The following TSNARE1 variants were observed in gnomAD, a reference collection of about 807,000 sequenced individuals.
The protein encoded by TSNARE1 is t-SNARE domain-containing protein 1.
In TSNARE1, 49 loss-of-function variants were observed where a neutral mutation model predicts 62.0. That is an observed-to-expected ratio of 0.79 (90% confidence interval 0.63 to 1.00). The LOEUF is 1.00. Ranked by LOEUF, TSNARE1 falls within the 50% of genes least tolerant of loss-of-function variation. TSNARE1 has a pLI of 0.00. For synonymous variants in TSNARE1, 328 were observed against 294.4 expected (o/e 1.11, Z -1.17); for missense variants, 755 against 700.1 (o/e 1.08, Z -0.88).
chr8:142,227,580 T>A (rs1816902307), intron 13 of TSNARE1, among the ~76,000 whole-genome samples: 1 of 152,214 alleles, frequency 6.6e-6, no homozygotes, highest in African/African-American at 2.4e-5. Flanking sequence ...CTCTTTGCCA[T>A]CCAGGATTTT....
At chr8:142,328,397 T>C (rs1363335562) in intron 6 of TSNARE1, among the ~76,000 whole-genome samples, 1 of 152,244 alleles carries the variant, frequency 6.6e-6, no homozygotes, top group Non-Finnish European at 1.5e-5. Flanking sequence ...AGCAACTTCC[T>C]CTTTTCCTTT....
rs555356633 is a variant in TSNARE1 at position 142,324,345 on chromosome 8, A to G, written c.894-5711T>C. Among the ~76,000 whole-genome samples, 5 of 152,312 alleles carry G rather than the reference A, an allele frequency of 3.3e-5. No homozygotes were observed. In the East Asian group the frequency reaches 9.7e-4, roughly 29 times the overall value. On this transcript the variant is annotated intron_variant, in intron 6 of 13. Coordinates refer to ENST00000524325, the MANE Select transcript of TSNARE1 (RefSeq NM_145003.5). ...AACCTGACCCAAGCATCCCTCTCCC[A>G]GCACTCCTGTGCGAGGTCTGCACAG...
chr8:142,222,527 C>CTCACTCAT (rs1816387372), intron 13 of TSNARE1, among the ~76,000 whole-genome samples: 1 of 65,868 alleles, frequency 1.5e-5, no homozygotes, highest in Non-Finnish European at 3.0e-5. Context: ...CACTCATCCA[C>CTCACTCAT]TCACTCACTC....
At chr8:142,280,465 C>T in intron 11 of TSNARE1, 1 of 350,410 alleles carries the variant, frequency 2.9e-6, no homozygotes, top group Non-Finnish European at 4.0e-6. Flanking sequence ...CAGCCTACAT[C>T]CACTATACAG....
intron 10 of TSNARE1, among the ~76,000 whole-genome samples, chr8:142,298,919 A>C (rs2131274551): frequency 6.6e-6 from 1 of 152,316 alleles, no homozygotes; most frequent in East Asian, 1.9e-4. Context: ...GGCCTCGTGC[A>C]CCAGCAGGAA....
chr8:142,364,490 C>A (rs1835395882), intron 1 of TSNARE1, among the ~76,000 whole-genome samples: 1 of 152,148 alleles, frequency 6.6e-6, no homozygotes, highest in African/African-American at 2.4e-5. Flanking sequence ...GGCTGAGACA[C>A]TACACACCCC....
chr8:142,229,957 G>A (rs746415781), intron 12 of TSNARE1, among the ~76,000 whole-genome samples: 8 of 152,202 alleles, frequency 5.3e-5, no homozygotes, highest in Non-Finnish European at 1.2e-4. Flanking sequence ...ACTCCATGGA[G>A]ATATTTGAAA....
chr8:142,273,090 C>T, intron 12 of TSNARE1: 1 of 985,426 alleles, frequency 1.0e-6, no homozygotes, highest in Non-Finnish European at 1.2e-6. Context: ...GCGGTGCCTG[C>T]TCTGCCAGGA....
chr8:142,276,549 C>T, intron 11 of TSNARE1: 1 of 985,476 alleles, frequency 1.0e-6, no homozygotes. Context: ...CCAGCAGAGA[C>T]AGGAAGGCCA....
intron 1 of TSNARE1, among the ~76,000 whole-genome samples, chr8:142,386,423 A>G (rs1187404424): frequency 1.3e-5 from 2 of 152,226 alleles, no homozygotes; most frequent in Non-Finnish European, 2.9e-5. Context: ...TTTAAAAAGG[A>G]AAGAAAATGG....
At chr8:142,329,812 A>C (rs919555524) in intron 6 of TSNARE1, among the ~76,000 whole-genome samples, 2 of 152,216 alleles carry the variant, frequency 1.3e-5, no homozygotes, top group African/African-American at 4.8e-5. Context: ...ATCAGAAAAC[A>C]CTTAAGTTTC....
intron 12 of TSNARE1, among the ~76,000 whole-genome samples, chr8:142,238,931 G>A (rs1817564877): frequency 6.6e-6 from 1 of 152,134 alleles, no homozygotes; most frequent in South Asian, 2.1e-4. Flanking sequence ...CACCAGCCAG[G>A]GGAGGTGTTG....
chr8:142,258,483 T>A (rs1157071161), intron 12 of TSNARE1, among the ~76,000 whole-genome samples: 1 of 146,920 alleles, frequency 6.8e-6, no homozygotes, highest in East Asian at 2.0e-4. Context: ...TGTGCTTTTT[T>A]TTTTTTTTTT....
intron 1 of TSNARE1, among the ~76,000 whole-genome samples, chr8:142,371,502 T>C (rs1038124037): frequency 6.6e-6 from 1 of 152,216 alleles, no homozygotes. Context: ...TAAATTTTAT[T>C]GTATATAAAT....
intron 10 of TSNARE1, among the ~76,000 whole-genome samples, chr8:142,298,043 C>A (rs1366393364): frequency 6.6e-6 from 1 of 152,232 alleles, no homozygotes; most frequent in African/African-American, 2.4e-5. Context: ...CCCAGCCCCC[C>A]TGCTACCCCC....
At position 142,276,348 on chromosome 8, in the gene TSNARE1, G is replaced by A. The variant is rs1253784536; in HGVS notation, c.1364-1485C>T. On this transcript the variant is annotated intron_variant, in intron 11 of 13. Transcript: ENST00000524325. ...ATGGAGGAGGAGAGGGAAGGAAGATGGGGCCAGAGGTGTGACGGATCCCCC... is the reference window on the plus strand; with the variant it reads ...ATGGAGGAGGAGAGGGAAGGAAGATAGGGCCAGAGGTGTGACGGATCCCCC... 3.0e-6 allele frequency: 3 copies of A among 985,376 alleles called. No individual in the cohort carries two copies. In the African/African-American group the frequency reaches 5.2e-5, roughly 17 times the overall value. The allele number at this position is 985,376 out of a possible 1,614,324, so 61.0% of individuals were successfully genotyped here. A position where few individuals can be genotyped will look rare whatever the true frequency, so the allele number is the denominator to read the frequency against.
At position 142,393,592 on chromosome 8, in the gene TSNARE1, G is replaced by A. The variant is rs568295318; in HGVS notation, c.-40+9512C>T. On this transcript the variant is annotated intron_variant, in intron 1 of 13. Coordinates refer to ENST00000524325, the MANE Select transcript of TSNARE1 (RefSeq NM_145003.5). ...ACAAAAAGATCCTGAGATGCCAAACGCCACGCCCGAAGGTGCTGAGAGAGC... is the reference window on the plus strand; with the variant it reads ...ACAAAAAGATCCTGAGATGCCAAACACCACGCCCGAAGGTGCTGAGAGAGC... Among the ~76,000 whole-genome samples, 28 of 152,308 alleles carry A rather than the reference G, an allele frequency of 1.8e-4. No homozygotes were observed. The South Asian group carries it at 3.9e-3, about 21-fold the overall frequency.
At chr8:142,360,509 G>A (rs567843953) in intron 1 of TSNARE1, among the ~76,000 whole-genome samples, 1 of 152,258 alleles carries the variant, frequency 6.6e-6, no homozygotes, top group South Asian at 2.1e-4. Context: ...GAGGCCGGAC[G>A]GAGGCCAGGG....
At chr8:142,384,159 G>C (rs2131268977) in intron 1 of TSNARE1, among the ~76,000 whole-genome samples, 1 of 152,274 alleles carries the variant, frequency 6.6e-6, no homozygotes, top group Admixed American at 6.5e-5. Context: ...CCAAGCAGCA[G>C]AGTAGGGACC....
Sources: gnomAD v4.1 joint callset for allele counts (sites outside exome capture counted in the v4.1 genomes callset) on GRCh38, gnomAD v4.1.1 for gene constraint, MANE v1.5 for transcripts, NCBI Gene and HGNC (gene_info 2026-07-23, HGNC 2026-07-21) for gene names.